Variants in TNRC6A observed in about 807,000 individuals in gnomAD.
TNRC6A encodes the protein trinucleotide repeat containing adaptor 6A, also known as trinucleotide repeat-containing gene 6A protein.
TNRC6A carries 44 observed loss-of-function variants against 221.2 expected under a neutral mutation model. The observed-to-expected ratio is 0.20, with a 90% CI of 0.16 to 0.26. The LOEUF is 0.26. Ranked by LOEUF, TNRC6A falls within the 10% of genes least tolerant of loss-of-function variation. TNRC6A has a pLI of 1.00. For synonymous variants in TNRC6A, 847 were observed against 838.5 expected, an observed-to-expected ratio of 1.01 and a Z score of -0.18; for missense variants, 2,199 against 2,404.4, an observed-to-expected ratio of 0.91 and a Z score of 1.79.
chr16:24,784,536 A>G (rs2057925584), intron 5 of TNRC6A, among the ~76,000 whole-genome samples: 1 of 152,086 alleles, frequency 6.6e-6, no homozygotes, highest in African/African-American at 2.4e-5. Context: ...GTTGCCCAGG[A>G]TAGTCTCACT....
chr16:24,737,923 T>G (rs187892600), intron 2 of TNRC6A, among the ~76,000 whole-genome samples: 1 of 152,370 alleles, frequency 6.6e-6, no homozygotes, highest in Admixed American at 6.5e-5. Context: ...CATTTATTCC[T>G]TGATAATTGA....
chr16:24,625,636 G>C (rs1210958665), intron 1 of TNRC6A, among the ~76,000 whole-genome samples: 1 of 150,858 alleles, frequency 6.6e-6, no homozygotes, highest in African/African-American at 2.4e-5. Context: ...TGAGGCAGGA[G>C]AATGGCGTGA....
In TNRC6A at chr16:24,820,230, T is replaced by C. The variant is rs756356278; in HGVS notation, c.5172T>C (p.Pro1724=). Residue 1724 remains proline, a synonymous_variant, in exon 22 of 25, where the codon CCT becomes CCC. Coordinates refer to ENST00000395799, the MANE Select transcript of TNRC6A (RefSeq NM_014494.4). ...AHELWKVPLP[P]KNITAPSRPP... ...AGCTGTGGAAGGTCCCTTTGCCACC[T>C]AAAAACATCACTGCTCCGTCCCGCC... 6.2e-7 allele frequency: 1 copy of C among 1,614,144 alleles called. No homozygotes were observed. Among genetic ancestry groups the C allele is most frequent in the Non-Finnish European group, 8.5e-7 (1 of 1,180,034 alleles).
chr16:24,703,035 AAAAATAAAATAAAATAAAAT>A (rs71156434), intron 2 of TNRC6A, among the ~76,000 whole-genome samples: 8 of 147,780 alleles, frequency 5.4e-5, no homozygotes, highest in South Asian at 2.2e-4. Flanking sequence ...ACTCTGTGTC[AAAAATAAAATAAAATAAAAT>A]AAAATAAAAT....
intron 2 of TNRC6A, among the ~76,000 whole-genome samples, chr16:24,693,889 C>T (rs1334744974): frequency 3.2e-5 from 2 of 62,126 alleles, no homozygotes; most frequent in South Asian, 1.6e-3. Context: ...CAGAGTGGGA[C>T]CCTATCTCAA....
At chr16:24,765,764 TAATAA>T (rs1236951762) in intron 4 of TNRC6A, among the ~76,000 whole-genome samples, 1 of 152,220 alleles carries the variant, frequency 6.6e-6, no homozygotes, top group Admixed American at 6.5e-5. Context: ...GGGAAATAGT[TAATAA>T]AATGATTATT....
Position 24,791,326 on chromosome 16 carries a change from C to A in TNRC6A, c.2684C>A (p.Ser895Tyr). ...TGGAACGAACTTGGTAAAACTAGTT[C>A]TTTCACTTGGGGAAACAACATAAAT... ...SGWNELGKTSSFTWGNNINPN... is the reference protein window; with the variant it reads ...SGWNELGKTSYFTWGNNINPN... The change falls in exon 6 of 25, where the codon TCT becomes TAT. Residue 895 changes from serine to tyrosine, a missense_variant. This residue lies in a region of TNRC6A where 1,405 missense variants were observed against 1,400.2 expected (regional missense o/e 1.00). Transcript: ENST00000395799. The A allele has an allele frequency of 1.9e-6, 3 of 1,606,562 alleles. No homozygotes were observed. The highest frequency in any genetic ancestry group is 1.3e-5 in the African/African-American group (1 of 74,840).
chr16:24,692,742 A>T (rs1318164892), intron 2 of TNRC6A, among the ~76,000 whole-genome samples: 1 of 151,870 alleles, frequency 6.6e-6, no homozygotes, highest in Non-Finnish European at 1.5e-5. Flanking sequence ...ATGTGTATAT[A>T]TTATACATAT....
In TNRC6A at chr16:24,816,910, A is replaced by C; in HGVS notation, c.4926A>C (p.Ser1642=). Residue 1642 remains serine, a synonymous_variant, in exon 20 of 25, where the codon TCA becomes TCC. Transcript: ENST00000395799. The stretch of plus-strand genomic sequence containing the variant: ...CTGGCAGTGTCATAAACAATCTTTC[A>C]ATTAATACTGTGCGGGAAGTTGACC... The part of the protein sequence containing the change: ...VTPGSVINNL[S]INTVREVDHL... 6.2e-7 allele frequency: 1 copy of C among 1,614,162 alleles called. No individual in the cohort carries two copies. The highest frequency in any genetic ancestry group is 8.5e-7 in the Non-Finnish European group (1 of 1,180,030).
At chr16:24,799,131 G>C (rs2058280647) in intron 11 of TNRC6A, among the ~76,000 whole-genome samples, 2 of 152,180 alleles carry the variant, frequency 1.3e-5, no homozygotes, top group South Asian at 4.1e-4. Context: ...AAGCTGCTGT[G>C]CTGCAGGAGA....
intron 18 of TNRC6A, among the ~76,000 whole-genome samples, chr16:24,812,770 G>GTGTCACT (rs2058573014): frequency 1.3e-5 from 2 of 151,538 alleles, no homozygotes; most frequent in East Asian, 3.9e-4. Context: ...TCCAAGTGTA[G>GTGTCACT]CCCTGTTAAG....
intron 4 of TNRC6A, among the ~76,000 whole-genome samples, chr16:24,774,387 A>C (rs547773368): frequency 1.3e-5 from 2 of 152,228 alleles, no homozygotes; most frequent in African/African-American, 2.4e-5. Flanking sequence ...ATGAATACCT[A>C]TCTCAGCTTT....
At chr16:24,769,488 C>A (rs926548512) in intron 4 of TNRC6A, among the ~76,000 whole-genome samples, 1 of 149,030 alleles carries the variant, frequency 6.7e-6, no homozygotes. Flanking sequence ...AAAAAAAACC[C>A]TAAAAATAGA....
rs186367557 is a variant in TNRC6A, at chr16:24,650,106, G to A, written n.402+9097G>A. ...TCCAAAGTGCTGGGATTACAGGTGT[G>A]AGCCACCACACCCAGCCTCCAGTCT... On this transcript the variant is annotated intron_variant and non_coding_transcript_variant, in intron 2 of 2. Transcript: ENST00000566108. Among the ~76,000 whole-genome samples the A allele has an allele frequency of 3.7e-4, 56 of 151,988 alleles. No homozygotes were observed. In the East Asian group the frequency reaches 4.1e-3, roughly 11 times the overall value.
chr16:24,771,573 TATGTTATGTTG>T (rs2057601389), intron 4 of TNRC6A, among the ~76,000 whole-genome samples: 1 of 99,266 alleles, frequency 1.0e-5, no homozygotes, highest in Admixed American at 1.1e-4. Context: ...TATGTTATGT[TATGTTATGTTG>T]TTATGTTATG....
chr16:24,757,010 A>G (rs2057265571), intron 3 of TNRC6A, among the ~76,000 whole-genome samples: 1 of 152,182 alleles, frequency 6.6e-6, no homozygotes, highest in Non-Finnish European at 1.5e-5. Context: ...AAGTGTTCAT[A>G]TACTAACTTC....
At chr16:24,774,730 A>C (rs978467472) in intron 4 of TNRC6A, among the ~76,000 whole-genome samples, 2 of 152,230 alleles carry the variant, frequency 1.3e-5, no homozygotes, top group African/African-American at 4.8e-5. Flanking sequence ...TATGTTCCTC[A>C]TAATGTTACA....
chr16:24,629,313 CT>C (rs1901209838), intron 1 of TNRC6A, among the ~76,000 whole-genome samples: 1 of 152,184 alleles, frequency 6.6e-6, no homozygotes, highest in South Asian at 2.1e-4. Context: ...ACAAGGCTGA[CT>C]TATAAATCCA....
chr16:24,737,019 G>A (rs1440317562), intron 2 of TNRC6A, among the ~76,000 whole-genome samples: 2 of 152,142 alleles, frequency 1.3e-5, no homozygotes, highest in African/African-American at 2.4e-5. Context: ...CTTGTAATAC[G>A]CTTTCTTAAA....
Sources: allele counts gnomAD v4.1 joint callset (sites outside exome capture counted in the v4.1 genomes callset), GRCh38; gene constraint gnomAD v4.1.1; regional missense constraint gnomAD v4.1.1; transcripts MANE v1.5; gene names NCBI Gene and HGNC (gene_info 2026-07-23, HGNC 2026-07-21).